Variants in ANO10 observed in about 807,000 individuals in gnomAD.
ANO10 encodes the protein anoctamin 10.
Under a neutral mutation model 74.7 loss-of-function variants are expected in ANO10, and 77 were observed. The ratio of observed to expected loss-of-function variants is 1.03; its 90% confidence interval spans 0.86 to 1.25. The LOEUF (loss-of-function observed/expected upper bound fraction) is 1.25, where lower values mean the gene tolerates loss of function less well. Ranked by LOEUF, ANO10 falls within the 50% of genes most tolerant of loss-of-function variation. The pLI, the probability that ANO10 is intolerant of heterozygous loss-of-function variation, is 0.00. For synonymous variants in ANO10, 279 were observed against 284.9 expected (o/e 0.98, Z 0.21); for missense variants, 721 against 778.1 (o/e 0.93, Z 0.87).
chr3:43,596,508 A>G (rs947011694), intron 4 of ANO10, among the ~76,000 whole-genome samples: 21 of 152,038 alleles, frequency 1.4e-4, no homozygotes, highest in African/African-American at 4.8e-4. Flanking sequence ...AACAAGAAAT[A>G]GGGAAAGGAT....
At chr3:43,602,399 G>C (rs979763028) in intron 2 of ANO10, among the ~76,000 whole-genome samples, 8 of 152,118 alleles carry the variant, frequency 5.3e-5, no homozygotes, top group African/African-American at 1.9e-4. Flanking sequence ...GTGCAATGGT[G>C]CAATATTGGC....
intron 9 of ANO10, among the ~76,000 whole-genome samples, chr3:43,558,329 T>C (rs915875891): frequency 2.0e-5 from 3 of 152,100 alleles, no homozygotes; most frequent in African/African-American, 7.2e-5. Flanking sequence ...CTTGGAATAG[T>C]CGTCATGAAA....
At chr3:43,450,743 C>T (rs2074825918) in intron 11 of ANO10, among the ~76,000 whole-genome samples, 1 of 152,114 alleles carries the variant, frequency 6.6e-6, no homozygotes, top group Non-Finnish European at 1.5e-5. Flanking sequence ...GAAAGGTACC[C>T]TGCACTCTGG....
intron 1 of ANO10, among the ~76,000 whole-genome samples, chr3:43,687,188 C>T (rs60667165): frequency 0.084 from 12,735 of 152,212 alleles, 738 homozygotes; most frequent in South Asian, 0.21. Flanking sequence ...TGGTGGCTTA[C>T]GCCTATAATC....
At chr3:43,442,432 T>C (rs1187304569) in intron 11 of ANO10, among the ~76,000 whole-genome samples, 3 of 152,018 alleles carry the variant, frequency 2.0e-5, no homozygotes, top group African/African-American at 7.2e-5. Context: ...ATTTTTACAA[T>C]AGCATCAAAA....
At chr3:43,558,182 A>G (rs1183076236) in intron 9 of ANO10, among the ~76,000 whole-genome samples, 1 of 152,190 alleles carries the variant, frequency 6.6e-6, no homozygotes, top group Non-Finnish European at 1.5e-5. Context: ...ACATATTAAC[A>G]TAAATGTCTT....
chr3:43,576,927 C>G lies in ANO10; in HGVS notation c.927G>C (p.Lys309Asn), dbSNP rs1559729364. ...GKEEPLYPSY[K>N]RQLRIYLVSL... ...AGACCAGGTAAATGCGCAACTGTCT[C>G]TTGTAGCTGGGGTACAGAGGCTCCT... The change falls in exon 6 of 13, where the codon AAG becomes AAC. Residue 309 changes from lysine (K) to asparagine (N), a missense_variant. Physicochemically the swap from Lys to Asn is moderately conservative, Grantham distance 94. Transcript: ENST00000292246. The G allele has an allele frequency of 6.2e-7, 1 of 1,614,158 alleles. No individual in the cohort carries two copies. Among genetic ancestry groups the G allele is most frequent in the Non-Finnish European group, 8.5e-7 (1 of 1,180,042 alleles).
intron 12 of ANO10, among the ~76,000 whole-genome samples, chr3:43,376,011 G>A (rs1030745154): frequency 1.2e-4 from 19 of 152,158 alleles, no homozygotes; most frequent in Admixed American, 1.2e-3. Flanking sequence ...AATGGAAGGA[G>A]CCCCTTGGTG....
At chr3:43,485,196 T>A in intron 11 of ANO10, 1 of 697,904 alleles carries the variant, frequency 1.4e-6, no homozygotes, top group South Asian at 1.6e-5. Context: ...GGTGGTCAGG[T>A]ACCGGTATTG....
chr3:43,601,598 GA>G (rs1166894494), intron 2 of ANO10, among the ~76,000 whole-genome samples: 1 of 152,142 alleles, frequency 6.6e-6, no homozygotes, highest in Admixed American at 6.5e-5. Context: ...ATCATGAGCA[GA>G]ATTTATATTT....
intron 1 of ANO10, among the ~76,000 whole-genome samples, chr3:43,664,988 C>T (rs1426991495): frequency 6.6e-6 from 1 of 152,150 alleles, no homozygotes; most frequent in African/African-American, 2.4e-5. Flanking sequence ...GGATCTAAAA[C>T]TAGAAATATC....
At chr3:43,658,806 A>G (rs1352669724) in intron 1 of ANO10, among the ~76,000 whole-genome samples, 1 of 152,100 alleles carries the variant, frequency 6.6e-6, no homozygotes, top group Non-Finnish European at 1.5e-5. Flanking sequence ...AAGGTTCAAG[A>G]CGAGGCCAAA....
intron 11 of ANO10, among the ~76,000 whole-genome samples, chr3:43,547,307 A>C (rs951022518): frequency 1.3e-5 from 2 of 152,214 alleles, no homozygotes; most frequent in African/African-American, 4.8e-5. Flanking sequence ...AGTTATTACA[A>C]CAGAAAGGAA....
chr3:43,583,041 C>T (rs1286117392), intron 4 of ANO10, among the ~76,000 whole-genome samples: 2 of 152,132 alleles, frequency 1.3e-5, no homozygotes, highest in East Asian at 3.9e-4. Context: ...TTTCTAAGTT[C>T]TCTTTACAAA....
At chr3:43,593,211 C>A (rs2081891123) in intron 4 of ANO10, among the ~76,000 whole-genome samples, 1 of 152,134 alleles carries the variant, frequency 6.6e-6, no homozygotes, top group Non-Finnish European at 1.5e-5. Flanking sequence ...GAGAACTTCC[C>A]CAACCTAGCA....
At chr3:43,554,474 T>G (rs1426429119) in intron 10 of ANO10, among the ~76,000 whole-genome samples, 1 of 152,218 alleles carries the variant, frequency 6.6e-6, no homozygotes, top group Admixed American at 6.5e-5. Flanking sequence ...ATTACAGGTG[T>G]GAGCCACCAT....
intron 12 of ANO10, among the ~76,000 whole-genome samples, chr3:43,377,764 G>A (rs2091850625): frequency 6.6e-6 from 1 of 152,220 alleles, no homozygotes; most frequent in African/African-American, 2.4e-5. Context: ...GGCTCCTTCA[G>A]TGAAAGCCAT....
intron 12 of ANO10, among the ~76,000 whole-genome samples, chr3:43,409,530 C>T (rs2092630880): frequency 6.6e-6 from 1 of 151,748 alleles, no homozygotes; most frequent in African/African-American, 2.4e-5. Context: ...GGTGACAGAA[C>T]GACCCTGTTT....
At chr3:43,547,212 G>A (rs2079234848) in intron 11 of ANO10, among the ~76,000 whole-genome samples, 1 of 152,098 alleles carries the variant, frequency 6.6e-6, no homozygotes, top group African/African-American at 2.4e-5. Context: ...ACTTAAGAAT[G>A]AAAGAGAAAA....
Sources: allele counts gnomAD v4.1 joint callset (sites outside exome capture counted in the v4.1 genomes callset), GRCh38; gene constraint gnomAD v4.1.1; transcripts MANE v1.5; gene names NCBI Gene and HGNC (gene_info 2026-07-23, HGNC 2026-07-21).